The following RELN variants were observed in gnomAD, a reference collection of about 807,000 sequenced individuals.
RELN encodes reelin.
A neutral mutation model predicts 427.6 loss-of-function variants in RELN; 108 were observed. The ratio of observed to expected loss-of-function variants is 0.25; its 90% CI spans 0.22 to 0.30. The LOEUF (loss-of-function observed/expected upper bound fraction) is 0.30, where lower values mean the gene tolerates loss of function less well. RELN is among the 10% of genes least tolerant of loss of function. RELN has a pLI of 1.00. For synonymous variants in RELN, 1,524 were observed against 1,513.4 expected (o/e 1.01, Z -0.16); for missense variants, 3,715 against 4,302.8 (o/e 0.86, Z 3.82).
intron 51 of RELN, 115 bp from the exon 52 acceptor site, chr7:103,503,345 C>G (rs1326226247): frequency 1.3e-5 from 11 of 828,854 alleles, no homozygotes; most frequent in Non-Finnish European, 2.0e-5. Flanking sequence ...CCACATCCAT[C>G]CTGTATTTTC....
At chr7:103,529,134 CAAA>C (rs11301890) in intron 46 of RELN, among the ~76,000 whole-genome samples, 1 of 146,514 alleles carries the variant, frequency 6.8e-6, no homozygotes, top group East Asian at 2.0e-4. Context: ...GACTCCATCT[CAAA>C]AAAAAAAAAA....
rs1365983414 is a variant in RELN, at chr7:103,563,786, T to G, written c.5210+1492A>C. ...AAAATCTTTTATACCATATTTTTAT[T>G]GTACCTTTCCTATGTTTAGATATGT... is the stretch of plus-strand genomic sequence containing the variant. On this transcript the variant is annotated intron_variant, in intron 34 of 64. Transcript: ENST00000428762. This position sits in a 1 kb window ranked among gnomAD's most constrained non-coding sequence, Gnocchi z 4.1. Among the ~76,000 whole-genome samples, 1 of 152,222 alleles carries G rather than the reference T, an allele frequency of 6.6e-6. No individual in the cohort carries two copies. The highest frequency in any genetic ancestry group is 1.5e-5 in the Non-Finnish European group (1 of 68,040).
chr7:103,767,889 C>T (rs1209870580), intron 4 of RELN, among the ~76,000 whole-genome samples: 1 of 152,082 alleles, frequency 6.6e-6, no homozygotes, highest in Non-Finnish European at 1.5e-5. Context: ...TTGCAATCAG[C>T]CTCTTCCCCC....
chr7:103,622,684 A>G lies in RELN; in HGVS notation c.2702+7256T>C, dbSNP rs1584353047. ...ATAGTTGTTTCTTTCATTATTCTAG[A>G]CTCTAATGCCTCCCAAGGGGGCTTC... On this transcript the variant is annotated intron_variant, in intron 20 of 64. Transcript: ENST00000428762. 2.0e-5 allele frequency among the ~76,000 whole-genome samples: 3 copies of G among 151,920 alleles called. 1 individual carries two copies. Among genetic ancestry groups the G allele is most frequent in the African/African-American group, 7.2e-5 (3 of 41,386 alleles).
At chr7:103,691,693 G>T (rs1833873666) in intron 10 of RELN, among the ~76,000 whole-genome samples, 1 of 151,996 alleles carries the variant, frequency 6.6e-6, no homozygotes, top group South Asian at 2.1e-4. Context: ...CACACCTGTA[G>T]TCCCAACTAC....
At chr7:103,744,735 T>C (rs1321433667) in intron 6 of RELN, among the ~76,000 whole-genome samples, 2 of 152,208 alleles carry the variant, frequency 1.3e-5, no homozygotes, top group African/African-American at 2.4e-5. Flanking sequence ...AATCTCTGAA[T>C]AGACCAATAA....
chr7:103,845,093 T>C (rs538379941), intron 2 of RELN, among the ~76,000 whole-genome samples: 288 of 152,340 alleles, frequency 1.9e-3, no homozygotes, highest in Non-Finnish European at 3.5e-3. Flanking sequence ...AAATAACCTG[T>C]GATTGCTGCC....
At chr7:103,858,128 G>C (rs1209821071) in intron 2 of RELN, among the ~76,000 whole-genome samples, 2 of 152,146 alleles carry the variant, frequency 1.3e-5, no homozygotes. Context: ...ACGCAGTGTA[G>C]TGTAATGGTT....
intron 12 of RELN, among the ~76,000 whole-genome samples, chr7:103,656,120 G>C (rs765859719): frequency 7.9e-5 from 12 of 151,964 alleles, no homozygotes; most frequent in African/African-American, 2.9e-4. Context: ...ATTCTGATTG[G>C]CCAGGTGTCT....
In RELN at chr7:103,824,699, C is replaced by T. The variant is rs980773213; in HGVS notation, c.473+8838G>A. Among the ~76,000 whole-genome samples, 12 of 135,102 alleles carry T rather than the reference C, an allele frequency of 8.9e-5. No individual in the cohort carries two copies. The highest frequency in any genetic ancestry group is 1.6e-4 in the Non-Finnish European group (10 of 64,190). 88.6% of individuals were successfully genotyped at this position (135,102 alleles called of 152,430 possible). A position where few individuals can be genotyped will look rare whatever the true frequency, so the allele number is the denominator to read the frequency against. ...GTTTGCTTCATTTTAGCTAGAGTTG[C>T]TATTTTATTTCAGTGGGAAGAATTT... On this transcript the variant is annotated intron_variant, in intron 3 of 64. Transcript: ENST00000428762. This position sits in a 1 kb window ranked among gnomAD's most constrained non-coding sequence, Gnocchi z 4.4.
At chr7:103,499,882 G>A (rs1216068214) in intron 53 of RELN, among the ~76,000 whole-genome samples, 1 of 152,110 alleles carries the variant, frequency 6.6e-6, no homozygotes, top group South Asian at 2.1e-4. Context: ...AATTACCTGT[G>A]GTATATAAAG....
chr7:103,685,413 G>A (rs1286931355), intron 10 of RELN, among the ~76,000 whole-genome samples: 2 of 151,964 alleles, frequency 1.3e-5, no homozygotes, highest in Non-Finnish European at 2.9e-5. Context: ...ATTTTACTTT[G>A]AGCATCATGA....
At chr7:103,939,974 T>TG (rs1796075041) in intron 1 of RELN, among the ~76,000 whole-genome samples, 2 of 152,236 alleles carry the variant, frequency 1.3e-5, no homozygotes, top group African/African-American at 2.4e-5. Flanking sequence ...TACATGGGCC[T>TG]GTTTAGTTCG....
chr7:103,942,881 C>T (rs1379611705), intron 1 of RELN, among the ~76,000 whole-genome samples: 1 of 151,338 alleles, frequency 6.6e-6, no homozygotes, highest in Non-Finnish European at 1.5e-5. Flanking sequence ...CACTGCACTG[C>T]AGCCTGGGCG....
At chr7:103,613,130 G>A (rs958212738) in intron 20 of RELN, among the ~76,000 whole-genome samples, 1 of 152,180 alleles carries the variant, frequency 6.6e-6, no homozygotes, top group Non-Finnish European at 1.5e-5. Flanking sequence ...GTAACTCTGT[G>A]TAGTAGGAAT....
rs530153273 is a variant in RELN at position 103,826,093 on chromosome 7, T to C, written c.473+7444A>G. Among the ~76,000 whole-genome samples, 3 of 152,172 alleles carry C rather than the reference T, an allele frequency of 2.0e-5. No homozygotes were observed. In the East Asian group the frequency reaches 5.8e-4, roughly 29 times the overall value. On this transcript the variant is annotated intron_variant, in intron 3 of 64. Transcript: ENST00000428762. ...TTCCTGATAAAAGGATGAGATGGGT[T>C]CCTGATAAAAGGATGAGATGGGCTC...
At chr7:103,629,370 T>A (rs1832401450) in intron 20 of RELN, among the ~76,000 whole-genome samples, 1 of 152,186 alleles carries the variant, frequency 6.6e-6, no homozygotes, top group Non-Finnish European at 1.5e-5. Context: ...ATCCCACAAT[T>A]TTGAAACCCC....
At chr7:103,730,043 T>C (rs1790314065) in intron 6 of RELN, among the ~76,000 whole-genome samples, 1 of 152,128 alleles carries the variant, frequency 6.6e-6, no homozygotes, top group African/African-American at 2.4e-5. Flanking sequence ...CTCCTTACTT[T>C]AGTGAGAGAT....
intron 3 of RELN, among the ~76,000 whole-genome samples, chr7:103,805,885 A>T (rs1792586291): frequency 6.6e-6 from 1 of 152,206 alleles, no homozygotes; most frequent in Non-Finnish European, 1.5e-5. Flanking sequence ...AGCCTTTCTT[A>T]ACAGCTATTC....
Sources: allele counts gnomAD v4.1 joint callset (sites outside exome capture counted in the v4.1 genomes callset), GRCh38; gene constraint gnomAD v4.1.1; non-coding constraint Gnocchi (gnomAD v3.1); transcripts MANE v1.5; gene names NCBI Gene and HGNC (gene_info 2026-07-23, HGNC 2026-07-21).